Variants in MGRN1 observed in about 807,000 individuals in gnomAD.
MGRN1 encodes E3 ubiquitin-protein ligase MGRN1.
Under a neutral mutation model 69.2 loss-of-function variants are expected in MGRN1, and 29 were observed. That is an observed-to-expected ratio of 0.42 (90% CI 0.31 to 0.57). The LOEUF is 0.57. Among genes scored for constraint, MGRN1 ranks in the 20% least tolerant of loss-of-function variants. MGRN1 has a pLI of 0.15. For missense variants in MGRN1, 998 were observed against 796.2 expected (o/e 1.25, Z -3.05); for synonymous variants, 470 against 344.2 (o/e 1.37, Z -4.04).
chr16:4,682,425 C>T (rs745870929), intron 13 of MGRN1, among the ~76,000 whole-genome samples: 1 of 152,180 alleles, frequency 6.6e-6, no homozygotes, highest in Non-Finnish European at 1.5e-5. Context: ...AGAAGAGTGT[C>T]AGGAAGGCGC....
chr16:4,630,344 G>A (rs1175476256), intron 1 of MGRN1, among the ~76,000 whole-genome samples: 1 of 142,932 alleles, frequency 7.0e-6, no homozygotes, highest in African/African-American at 2.7e-5. Context: ...GACAGAGTGA[G>A]ACGCCGTCTC....
At chr16:4,682,781 C>G (rs747262214) in intron 13 of MGRN1, 42 bp from the exon 14 acceptor site, 1 of 1,484,374 alleles carries the variant, frequency 6.7e-7, no homozygotes, top group Admixed American at 2.2e-5. Context: ...CCTTCCTTGT[C>G]GTTATCCTCT....
intron 16 of MGRN1, chr16:4,687,002 G>A: frequency 1.0e-6 from 1 of 985,504 alleles, no homozygotes; most frequent in Non-Finnish European, 1.2e-6. Flanking sequence ...CGCTCACACA[G>A]CCACCTGCTC....
chr16:4,635,189 A>G (rs1178694222), intron 1 of MGRN1, among the ~76,000 whole-genome samples: 1 of 152,152 alleles, frequency 6.6e-6, no homozygotes, highest in Non-Finnish European at 1.5e-5. Context: ...AGGCAGGCGG[A>G]TCACTTGAGG....
intron 1 of MGRN1, chr16:4,639,814 T>C (rs2078118082): frequency 6.6e-6 from 1 of 152,228 alleles, no homozygotes; most frequent in Admixed American, 6.5e-5. Flanking sequence ...AACTCTGGTC[T>C]GATAAACATG....
At chr16:4,679,570 A>C (rs370532190) in intron 11 of MGRN1, among the ~76,000 whole-genome samples, 1 of 151,788 alleles carries the variant, frequency 6.6e-6, no homozygotes, top group Non-Finnish European at 1.5e-5. Flanking sequence ...TCTGGGGCTG[A>C]CTCTTCTCCC....
intron 16 of MGRN1, chr16:4,686,406 T>G: frequency 6.8e-7 from 1 of 1,478,194 alleles, no homozygotes; most frequent in Non-Finnish European, 8.9e-7. Context: ...TTTTTGGGTC[T>G]TCGTCCGCAT....
intron 8 of MGRN1, among the ~76,000 whole-genome samples, chr16:4,668,651 CATAT>C (rs564428860): frequency 6.6e-6 from 1 of 151,780 alleles, no homozygotes; most frequent in Non-Finnish European, 1.5e-5. Context: ...CAGACACACT[CATAT>C]ACTCAGTCAC....
intron 1 of MGRN1, among the ~76,000 whole-genome samples, chr16:4,629,610 A>G (rs138210145): frequency 0.04 from 6,088 of 152,006 alleles, 405 homozygotes; most frequent in African/African-American, 0.14. Flanking sequence ...GTGGTGGCAC[A>G]CACCTGTAGT....
chr16:4,660,426 G>A (rs899822675), intron 5 of MGRN1, among the ~76,000 whole-genome samples: 4 of 152,328 alleles, frequency 2.6e-5, no homozygotes, highest in East Asian at 1.9e-4. Flanking sequence ...TCCCCAGACC[G>A]TTGGTTTTTA....
intron 9 of MGRN1, among the ~76,000 whole-genome samples, chr16:4,673,048 C>T (rs921361270): frequency 4.6e-5 from 7 of 152,152 alleles, no homozygotes; most frequent in South Asian, 2.1e-4. Flanking sequence ...CTATGTTAGC[C>T]AGGATGGTCT....
chr16:4,654,942 CTT>C (rs2078497865), intron 4 of MGRN1, among the ~76,000 whole-genome samples: 2 of 152,356 alleles, frequency 1.3e-5, no homozygotes, highest in South Asian at 4.1e-4. Context: ...GAGGCTCTAC[CTT>C]GCCCCGGCAC....
In MGRN1 at chr16:4,688,789, C is replaced by T. The variant is rs748367603; in HGVS notation, c.1619-7C>T. ...TGTGACCCTCCTCCCTCTGCTCCCA[C>T]CTGCAGGACGGCCCACCTCCATGGA... On this transcript the variant is annotated splice_polypyrimidine_tract_variant and splice_region_variant and intron_variant, in intron 16 of 16. Transcript: ENST00000262370. 6.5e-7 allele frequency: 1 copy of T among 1,540,360 alleles called. No individual in the cohort carries two copies. The highest frequency in any genetic ancestry group is 8.8e-7 in the Non-Finnish European group (1 of 1,138,758).
chr16:4,682,410 C>G (rs920704325), intron 13 of MGRN1, among the ~76,000 whole-genome samples: 1 of 152,222 alleles, frequency 6.6e-6, no homozygotes, highest in African/African-American at 2.4e-5. Flanking sequence ...CCTGTCGGTT[C>G]TCGTAGAAGA....
At chr16:4,673,953 T>A (rs1306655530) in intron 10 of MGRN1, among the ~76,000 whole-genome samples, 1 of 152,188 alleles carries the variant, frequency 6.6e-6, no homozygotes, top group Non-Finnish European at 1.5e-5. Flanking sequence ...GAACGAAAAT[T>A]GATGAGTGAA....
chr16:4,660,505 C>A (rs540422723), intron 5 of MGRN1, among the ~76,000 whole-genome samples: 3 of 152,372 alleles, frequency 2.0e-5, no homozygotes, highest in African/African-American at 7.2e-5. Flanking sequence ...TCACAGCTCA[C>A]TCAGAGGCTC....
At chr16:4,632,660 C>T (rs1898069719) in intron 1 of MGRN1, among the ~76,000 whole-genome samples, 1 of 152,108 alleles carries the variant, frequency 6.6e-6, no homozygotes, top group African/African-American at 2.4e-5. Flanking sequence ...TCCCAAAATG[C>T]GGGGATTACA....
At chr16:4,678,533 A>G (rs1451539016) in intron 11 of MGRN1, among the ~76,000 whole-genome samples, 1 of 152,004 alleles carries the variant, frequency 6.6e-6, no homozygotes, top group Non-Finnish European at 1.5e-5. Flanking sequence ...AGATGTGGAG[A>G]GACGGAGAGA....
intron 10 of MGRN1, among the ~76,000 whole-genome samples, chr16:4,674,148 C>T (rs1348883963): frequency 6.6e-6 from 1 of 152,086 alleles, no homozygotes; most frequent in Non-Finnish European, 1.5e-5. Context: ...CCATGGCCAG[C>T]TAATATTTTA....
Sources: gnomAD v4.1 joint callset for allele counts (sites outside exome capture counted in the v4.1 genomes callset) on GRCh38, gnomAD v4.1.1 for gene constraint, MANE v1.5 for transcripts, NCBI Gene and HGNC (gene_info 2026-07-23, HGNC 2026-07-21) for gene names.